DPP10: variants seen among roughly 807,000 people sequenced by gnomAD.
The protein encoded by DPP10 is inactive dipeptidyl peptidase 10.
Under a neutral mutation model 120.9 loss-of-function variants are expected in DPP10, and 33 were observed. The observed-to-expected ratio is 0.27, with a 90% CI of 0.21 to 0.37. DPP10 has a LOEUF of 0.37. Ranked by LOEUF, DPP10 falls within the 10% of genes least tolerant of loss-of-function variation. DPP10 has a pLI of 1.00. For missense variants in DPP10, 816 were observed against 942.8 expected (o/e 0.87, Z 1.76); for synonymous variants, 337 against 326.1 (o/e 1.03, Z -0.36).
intron 3 of DPP10, among the ~76,000 whole-genome samples, chr2:115,403,778 A>G (rs2104512332): frequency 6.6e-6 from 1 of 152,264 alleles, no homozygotes; most frequent in East Asian, 1.9e-4. Context: ...TAAAAGGCAT[A>G]CTAATAGGAG....
chr2:114,930,771 A>G (rs1050205670), intron 1 of DPP10, among the ~76,000 whole-genome samples: 1 of 152,198 alleles, frequency 6.6e-6, no homozygotes, highest in African/African-American at 2.4e-5. Context: ...ATCACAGTGG[A>G]AGATGAAATG....
chr2:114,454,260 C>A (rs1678442394), intron 1 of DPP10, among the ~76,000 whole-genome samples: 1 of 152,178 alleles, frequency 6.6e-6, no homozygotes, highest in Admixed American at 6.5e-5. Flanking sequence ...TTGCTGTCAT[C>A]ATCATTATTA....
chr2:114,664,486 G>T (rs919943367), intron 1 of DPP10, among the ~76,000 whole-genome samples: 4 of 151,796 alleles, frequency 2.6e-5, no homozygotes, highest in African/African-American at 9.7e-5. Context: ...AAACTTAGCC[G>T]GGTGTGGTGG....
At chr2:115,141,211 A>G (rs1381221769) in intron 1 of DPP10, among the ~76,000 whole-genome samples, 2 of 152,182 alleles carry the variant, frequency 1.3e-5, no homozygotes, top group African/African-American at 2.4e-5. Flanking sequence ...CATTGCTTCT[A>G]CTCAGTACGC....
chr2:114,963,778 G>A (rs1698817882), intron 1 of DPP10, among the ~76,000 whole-genome samples: 1 of 151,960 alleles, frequency 6.6e-6, no homozygotes, highest in South Asian at 2.1e-4. Flanking sequence ...GTGTCGCAAG[G>A]GATTTGCTAA....
intron 1 of DPP10, among the ~76,000 whole-genome samples, chr2:114,685,648 C>T (rs1216489789): frequency 6.6e-6 from 1 of 151,942 alleles, no homozygotes; most frequent in Non-Finnish European, 1.5e-5. Context: ...GCAAATGTCA[C>T]TATTAGCTAT....
intron 1 of DPP10, among the ~76,000 whole-genome samples, chr2:114,911,501 AAGG>A (rs1694366387): frequency 6.6e-6 from 1 of 152,184 alleles, no homozygotes; most frequent in African/African-American, 2.4e-5. Flanking sequence ...TCATCATTGC[AAGG>A]TTCATAAGCT....
At chr2:114,749,016 A>C (rs1408456862) in intron 1 of DPP10, among the ~76,000 whole-genome samples, 2 of 133,612 alleles carry the variant, frequency 1.5e-5, no homozygotes, top group Non-Finnish European at 3.2e-5. Context: ...TTACAGTCCC[A>C]CCAACAGTGT....
rs578256699 is a variant in DPP10 at position 114,610,186 on chromosome 2, A to G, written c.60+167348A>G. 2.6e-5 allele frequency among the ~76,000 whole-genome samples: 4 copies of G among 152,282 alleles called. 1 individual carries two copies. The South Asian group carries it at 6.2e-4, about 24-fold the overall frequency. On this transcript the variant is annotated intron_variant, in intron 1 of 25. Coordinates refer to ENST00000410059, the MANE Select transcript of DPP10 (RefSeq NM_020868.6). ...CTTCCCCACATTGTTTTTCTGGTAT[A>G]TATCACAGGCGTATGTTTTGTTTTG...
At chr2:114,664,561 G>A (rs191607323) in intron 1 of DPP10, among the ~76,000 whole-genome samples, 3 of 151,228 alleles carry the variant, frequency 2.0e-5, no homozygotes, top group South Asian at 2.1e-4. Context: ...CCAGGGAGGC[G>A]GAGGTTGCAG....
In DPP10 at chr2:115,430,467, A is replaced by G. The variant is rs144545382; in HGVS notation, c.272-69043A>G. ...TTTAACATTTAAAACAGTGGATAAT[A>G]GTAACATTGAGGCTCCTTTACATCT... On this transcript the variant is annotated intron_variant, in intron 3 of 25. Transcript: ENST00000410059. 7.4e-3 allele frequency among the ~76,000 whole-genome samples: 1,126 copies of G among 152,288 alleles called. 6 individuals are homozygous for G. The highest frequency in any genetic ancestry group is 0.025 in the African/African-American group (1,030 of 41,556).
intron 1 of DPP10, among the ~76,000 whole-genome samples, chr2:114,569,004 C>G (rs922624627): frequency 1.3e-5 from 2 of 152,084 alleles, no homozygotes; most frequent in African/African-American, 4.8e-5. Flanking sequence ...CCTTAAAACT[C>G]CAGGCAAACA....
chr2:115,041,663 A>C (rs1281890687), intron 1 of DPP10, among the ~76,000 whole-genome samples: 2 of 151,986 alleles, frequency 1.3e-5, no homozygotes, highest in East Asian at 3.9e-4. Flanking sequence ...GAGCCCATTC[A>C]CTCTGTTTTT....
chr2:115,644,246 T>A (rs1232006555), intron 5 of DPP10, among the ~76,000 whole-genome samples: 1 of 152,158 alleles, frequency 6.6e-6, no homozygotes, highest in East Asian at 1.9e-4. Flanking sequence ...ATGTGCCATG[T>A]TGGTGTGCTG....
chr2:114,860,092 T>A (rs1689693623), intron 1 of DPP10, among the ~76,000 whole-genome samples: 1 of 152,220 alleles, frequency 6.6e-6, no homozygotes, highest in Non-Finnish European at 1.5e-5. Context: ...GAACTTTGAT[T>A]TGATTGCTGA....
chr2:115,652,118 A>G (rs942990173), intron 5 of DPP10, among the ~76,000 whole-genome samples: 1 of 152,086 alleles, frequency 6.6e-6, no homozygotes, highest in Non-Finnish European at 1.5e-5. Flanking sequence ...ACAAAAATTT[A>G]AAAATAGCTG....
intron 1 of DPP10, among the ~76,000 whole-genome samples, chr2:115,104,326 G>A (rs1179461018): frequency 1.3e-5 from 2 of 151,770 alleles, no homozygotes; most frequent in Non-Finnish European, 2.9e-5. Flanking sequence ...ATCTACAGAA[G>A]CTGCCACCAC....
intron 5 of DPP10, among the ~76,000 whole-genome samples, chr2:115,597,400 AAG>A (rs1326504631): frequency 6.6e-6 from 1 of 152,106 alleles, no homozygotes; most frequent in East Asian, 1.9e-4. Context: ...AAAAATAAAT[AAG>A]AGAACAATTT....
At chr2:115,301,671 C>G (rs902207015) in intron 1 of DPP10, among the ~76,000 whole-genome samples, 1 of 151,690 alleles carries the variant, frequency 6.6e-6, no homozygotes, top group African/African-American at 2.4e-5. Context: ...ACTTGATGAT[C>G]CTGTGGAGGA....
Sources: gnomAD v4.1 joint callset for allele counts (sites outside exome capture counted in the v4.1 genomes callset) on GRCh38, gnomAD v4.1.1 for gene constraint, MANE v1.5 for transcripts, NCBI Gene and HGNC (gene_info 2026-07-23, HGNC 2026-07-21) for gene names.